The following GRM7 variants were observed in gnomAD, a reference collection of about 807,000 sequenced individuals.
GRM7 encodes glutamate metabotropic receptor 7.
GRM7 carries 35 observed loss-of-function variants against 84.5 expected under a neutral mutation model. That is an observed-to-expected ratio of 0.41 (90% CI 0.32 to 0.55). The LOEUF (loss-of-function observed/expected upper bound fraction) is 0.55. GRM7 is among the 20% of genes least tolerant of loss of function. The pLI is 0.19. For synonymous variants in GRM7, 487 were observed against 455.1 expected, an observed-to-expected ratio of 1.07 and a Z score of -0.89; for missense variants, 1,003 against 1,194.6, an observed-to-expected ratio of 0.84 and a Z score of 2.36.
At chr3:7,601,006 C>T (rs755873529) in intron 8 of GRM7, among the ~76,000 whole-genome samples, 3 of 152,156 alleles carry the variant, frequency 2.0e-5, no homozygotes, top group Non-Finnish European at 4.4e-5. Flanking sequence ...ATCCCTAATA[C>T]TTGCCGTGAT....
intron 1 of GRM7, among the ~76,000 whole-genome samples, chr3:7,031,661 A>G (rs1207440767): frequency 1.3e-5 from 2 of 152,116 alleles, no homozygotes; most frequent in South Asian, 2.1e-4. Flanking sequence ...GTTACTCCAG[A>G]TACATTTTTT....
At chr3:7,320,719 T>TGTGTGC (rs910693056) in intron 4 of GRM7, among the ~76,000 whole-genome samples, 452 of 151,346 alleles carry the variant, frequency 3.0e-3, no homozygotes, top group South Asian at 7.5e-3. Context: ...TGTGTGTGTG[T>TGTGTGC]GCAACTTCTT....
intron 7 of GRM7, among the ~76,000 whole-genome samples, chr3:7,473,097 G>A (rs545540591): frequency 2.9e-4 from 44 of 152,244 alleles, no homozygotes; most frequent in South Asian, 6.2e-4. Context: ...TTGGACTTTC[G>A]ATTGCTGACT....
intron 9 of GRM7, among the ~76,000 whole-genome samples, chr3:7,720,190 C>G (rs1701897361): frequency 6.6e-6 from 1 of 152,130 alleles, no homozygotes; most frequent in Non-Finnish European, 1.5e-5. Flanking sequence ...GGATTTAAAT[C>G]CAGGAACTTT....
chr3:7,291,842 C>T (rs1381963887), intron 2 of GRM7, among the ~76,000 whole-genome samples: 1 of 152,116 alleles, frequency 6.6e-6, no homozygotes, highest in African/African-American at 2.4e-5. Context: ...TGAATTGTAG[C>T]TCCCATAATT....
chr3:7,082,797 G>T (rs1360112986), intron 1 of GRM7, among the ~76,000 whole-genome samples: 1 of 152,108 alleles, frequency 6.6e-6, no homozygotes, highest in African/African-American at 2.4e-5. Context: ...AGGGGTTCAA[G>T]ACACCAATGG....
At chr3:7,003,532 G>A (rs1321316425) in intron 1 of GRM7, among the ~76,000 whole-genome samples, 1 of 152,148 alleles carries the variant, frequency 6.6e-6, no homozygotes, top group South Asian at 2.1e-4. Flanking sequence ...GAGATGATGA[G>A]ATGCTGCTGG....
At chr3:7,034,848 T>C (rs1184199964) in intron 1 of GRM7, among the ~76,000 whole-genome samples, 1 of 152,144 alleles carries the variant, frequency 6.6e-6, no homozygotes, top group Non-Finnish European at 1.5e-5. Context: ...GTGAAAGTGT[T>C]GCAATGTTAG....
intron 8 of GRM7, among the ~76,000 whole-genome samples, chr3:7,599,749 CT>C (rs1696227595): frequency 6.6e-6 from 1 of 152,036 alleles, no homozygotes; most frequent in Non-Finnish European, 1.5e-5. Flanking sequence ...AATCAGGTGG[CT>C]TAATGACAAC....
intron 1 of GRM7, among the ~76,000 whole-genome samples, chr3:6,979,537 A>T (rs1694118965): frequency 7.2e-6 from 1 of 138,662 alleles, no homozygotes; most frequent in Non-Finnish European, 1.5e-5. Flanking sequence ...ATTAACAGCT[A>T]AAAAAGTCAA....
intron 2 of GRM7, among the ~76,000 whole-genome samples, chr3:7,214,776 G>A (rs1486720809): frequency 6.6e-6 from 1 of 152,106 alleles, no homozygotes; most frequent in African/African-American, 2.4e-5. Flanking sequence ...GGTAGTGACT[G>A]GAATAAATAA....
intron 1 of GRM7, among the ~76,000 whole-genome samples, chr3:6,911,248 C>T (rs115187586): frequency 0.01 from 1,565 of 152,140 alleles, 13 homozygotes; most frequent in Middle Eastern, 0.065. Flanking sequence ...ATTAAATTCT[C>T]CCTCAGCCTT....
At chr3:7,171,441 C>T (rs913265011) in intron 2 of GRM7, among the ~76,000 whole-genome samples, 1 of 152,096 alleles carries the variant, frequency 6.6e-6, no homozygotes, top group Non-Finnish European at 1.5e-5. Context: ...GGGGTTAAGA[C>T]TTCAATGTGT....
chr3:7,130,560 G>GAA (rs968563099), intron 1 of GRM7, among the ~76,000 whole-genome samples: 3 of 41,534 alleles, frequency 7.2e-5, no homozygotes, highest in African/African-American at 4.1e-4. Flanking sequence ...AAAAAGAAAA[G>GAA]AAAAAAAAAA....
intron 5 of GRM7, among the ~76,000 whole-genome samples, chr3:7,418,887 G>GT (rs1280189423): frequency 6.6e-6 from 1 of 152,116 alleles, no homozygotes; most frequent in Non-Finnish European, 1.5e-5. Flanking sequence ...TGGATAACAT[G>GT]TTTTTAACCT....
intron 8 of GRM7, among the ~76,000 whole-genome samples, chr3:7,640,881 A>G (rs1698335319): frequency 6.6e-6 from 1 of 152,208 alleles, no homozygotes; most frequent in South Asian, 2.1e-4. Context: ...CTTTCAACTA[A>G]GCCATGACAA....
At chr3:7,211,360 TG>T (rs1350108473) in intron 2 of GRM7, among the ~76,000 whole-genome samples, 1 of 152,162 alleles carries the variant, frequency 6.6e-6, no homozygotes, top group East Asian at 1.9e-4. Flanking sequence ...CACCAAAATG[TG>T]TACCTTTAAT....
At chr3:7,465,954 G>A (rs1019506058) in intron 7 of GRM7, among the ~76,000 whole-genome samples, 9 of 152,108 alleles carry the variant, frequency 5.9e-5, no homozygotes, top group Non-Finnish European at 1.2e-4. Flanking sequence ...TGTGGCCCAA[G>A]AGATGACTGC....
At chr3:7,259,951 C>CTTTTTTTTTTTTTTTTTTTTTTT (rs1559534237) in intron 2 of GRM7, among the ~76,000 whole-genome samples, 2 of 13,424 alleles carry the variant, frequency 1.5e-4, no homozygotes, top group African/African-American at 1.1e-3. Context: ...TTACCAGCAT[C>CTTTTTTTTTTTTTTTTTTTTTTT]TGTTTTTTTT....
Sources: gnomAD v4.1 joint callset for allele counts (sites outside exome capture counted in the v4.1 genomes callset) on GRCh38, gnomAD v4.1.1 for gene constraint, MANE v1.5 for transcripts, NCBI Gene and HGNC (gene_info 2026-07-23, HGNC 2026-07-21) for gene names.